PCNX1: variants seen among roughly 807,000 people sequenced by gnomAD.
PCNX1 encodes the protein pecanex 1, also known as pecanex-like protein 1.
In PCNX1, 78 loss-of-function variants were observed where a neutral mutation model predicts 242.2. The observed-to-expected ratio is 0.32, with a 90% confidence interval of 0.27 to 0.39. PCNX1 has a LOEUF of 0.39. Ranked by LOEUF, PCNX1 falls within the 10% of genes least tolerant of loss-of-function variation. The pLI is 1.00. For synonymous variants in PCNX1, 1,024 were observed against 1,032.9 expected (o/e 0.99, Z 0.17); for missense variants, 2,581 against 2,856.5 (o/e 0.90, Z 2.20).
At chr14:70,951,137 C>T (rs951201470) in intron 2 of PCNX1, among the ~76,000 whole-genome samples, 1 of 152,006 alleles carries the variant, frequency 6.6e-6, no homozygotes, top group Non-Finnish European at 1.5e-5. Context: ...TATCACAACA[C>T]CATTCATTAA....
chr14:70,962,162 C>G lies in PCNX1; in HGVS notation c.363-64C>G, dbSNP rs1026931172. ...AAAAAAGTATAACTTAAAAAATTAA[C>G]AAAGGAAAAGCATTGGAGTCAGAAT... On this transcript the variant is annotated intron_variant, in intron 2 of 35. Transcript: ENST00000304743. 12 of 987,484 alleles carry G rather than the reference C, an allele frequency of 1.2e-5. No homozygotes were observed. The African/African-American group carries it at 1.3e-4, about 11-fold the overall frequency. The allele number at this position is 987,484 out of a possible 1,614,324, so 61.2% of individuals were successfully genotyped here.
At chr14:70,970,891 G>A (rs1232332721) in intron 5 of PCNX1, among the ~76,000 whole-genome samples, 1 of 152,124 alleles carries the variant, frequency 6.6e-6, no homozygotes, top group Non-Finnish European at 1.5e-5. Context: ...CCTGGTTTAA[G>A]TCCTCTTCTA....
At chr14:71,069,588 C>A (rs1047123586) in intron 26 of PCNX1, among the ~76,000 whole-genome samples, 1 of 152,194 alleles carries the variant, frequency 6.6e-6, no homozygotes, top group African/African-American at 2.4e-5. Context: ...GCAAGTCACA[C>A]AAATTGCTTG....
rs2062726299 is a variant in PCNX1, at chr14:71,110,066, G to A, written c.*131G>A. The A allele has an allele frequency of 4.9e-6, 4 of 814,760 alleles. No individual in the cohort carries two copies. The highest frequency in any genetic ancestry group is 6.3e-6 in the Non-Finnish European group (3 of 475,422). 50.5% of individuals were successfully genotyped at this position (814,760 alleles called of 1,614,324 possible). On this transcript the variant is annotated 3_prime_UTR_variant, in exon 36 of 36. Coordinates refer to ENST00000304743, the MANE Select transcript of PCNX1 (RefSeq NM_014982.3). ...GTGGGAGCGACTGAAAATAGAATGAGCTTGGTTAAGCACCTCTCCTTTGCC... is the reference window on the plus strand; with the variant it reads ...GTGGGAGCGACTGAAAATAGAATGAACTTGGTTAAGCACCTCTCCTTTGCC...
chr14:70,935,270 G>A (rs1248131041), intron 1 of PCNX1, among the ~76,000 whole-genome samples: 2 of 152,076 alleles, frequency 1.3e-5, no homozygotes, highest in Non-Finnish European at 2.9e-5. Flanking sequence ...TTCTGAGCTG[G>A]GCACAGTGTC....
chr14:71,006,188 A>T (rs996129054), intron 8 of PCNX1, among the ~76,000 whole-genome samples: 1 of 142,842 alleles, frequency 7.0e-6, no homozygotes, highest in Admixed American at 7.1e-5. Context: ...AGGTCTCACT[A>T]TGTTGCCTGG....
chr14:71,024,543 C>T (rs1002430243), intron 13 of PCNX1, among the ~76,000 whole-genome samples: 4 of 151,742 alleles, frequency 2.6e-5, no homozygotes, highest in Admixed American at 2.6e-4. Context: ...TCTTATGGTG[C>T]TGATGATGTT....
At chr14:71,050,610 G>GTT (rs538845223) in intron 22 of PCNX1, 42 bp from the exon 23 acceptor site, 6,197 of 1,272,456 alleles carry the variant, frequency 4.9e-3, no homozygotes, top group South Asian at 0.012. Context: ...TATCTGATAA[G>GTT]TTTTTTTTTT....
intron 18 of PCNX1, among the ~76,000 whole-genome samples, chr14:71,034,470 A>G (rs2060475058): frequency 6.6e-6 from 1 of 152,172 alleles, no homozygotes; most frequent in Non-Finnish European, 1.5e-5. Context: ...CCATCTGAAA[A>G]CTGTGTGTGT....
Position 71,088,368 on chromosome 14 carries a change from C to T in PCNX1, c.5376C>T (p.Leu1792=). ...DVDKDSSLVT[L]CYGLCVLGRR... ...ACAAAGATTCATCCCTAGTGACTCT[C>T]TGTTATGGACTCTGTGTTCTGGGAC... Residue 1792 remains leucine, a synonymous_variant, in exon 29 of 36, where the codon CTC becomes CTT. Transcript: ENST00000304743. 6.2e-7 allele frequency: 1 copy of T among 1,611,314 alleles called. No homozygotes were observed. The highest frequency in any genetic ancestry group is 1.1e-5 in the South Asian group (1 of 90,874).
At position 71,103,633 on chromosome 14, in the gene PCNX1, G is replaced by A; in HGVS notation, c.6059G>A (p.Gly2020Glu). Residue 2020 changes from glycine (G) to glutamate (E), a missense_variant, in exon 32 of 36, where the codon GGA (glycine) becomes GAA (glutamate). Coordinates refer to ENST00000304743, the MANE Select transcript of PCNX1 (RefSeq NM_014982.3). ...KDILGGPISL[G>E]NIRNFIVSTW... ...ATTCTTGGGGGTCCTATCAGCTTGG[G>A]AAATATCAGGAACTTCATAGTGTCA... 6.2e-7 allele frequency: 1 copy of A among 1,614,066 alleles called. No individual in the cohort carries two copies. Among genetic ancestry groups the A allele is most frequent in the South Asian group, 1.1e-5 (1 of 91,058 alleles).
At chr14:70,960,564 T>G (rs1026222282) in intron 2 of PCNX1, among the ~76,000 whole-genome samples, 19 of 152,022 alleles carry the variant, frequency 1.2e-4, no homozygotes, top group Non-Finnish European at 2.6e-4. Flanking sequence ...AATATCATAC[T>G]GAATGGGCAA....
intron 25 of PCNX1, among the ~76,000 whole-genome samples, chr14:71,056,347 C>T (rs1312724107): frequency 6.6e-6 from 1 of 152,134 alleles, no homozygotes; most frequent in East Asian, 1.9e-4. Context: ...CATTTCAGCT[C>T]TGGTATGTGC....
chr14:70,936,565 A>G (rs912620218), intron 1 of PCNX1, among the ~76,000 whole-genome samples: 4 of 152,138 alleles, frequency 2.6e-5, no homozygotes, highest in African/African-American at 9.7e-5. Context: ...AGTCTTTGCT[A>G]TTGTGAATAG....
chr14:71,000,613 G>A (rs1445826010), intron 8 of PCNX1, among the ~76,000 whole-genome samples: 1 of 145,778 alleles, frequency 6.9e-6, no homozygotes, highest in Admixed American at 7.2e-5. Flanking sequence ...TGCAACCTCC[G>A]CCTCCTGGGT....
intron 7 of PCNX1, 22 bp from the exon 8 acceptor site, chr14:70,995,719 C>A (rs999253045): frequency 6.2e-7 from 1 of 1,609,232 alleles, no homozygotes; most frequent in Middle Eastern, 1.7e-4. Flanking sequence ...GTAATGTCTC[C>A]CCAATCCATG....
intron 21 of PCNX1, 151 bp downstream of exon 21, chr14:71,047,256 T>G (rs1368640799): frequency 2.2e-6 from 1 of 463,146 alleles, no homozygotes; most frequent in Non-Finnish European, 3.7e-6. Context: ...TTGACTTACC[T>G]TTTTTAAACA....
chr14:71,085,973 C>T lies in PCNX1; in HGVS notation c.5338-2357C>T, dbSNP rs61990450. 221 of 154,040 alleles carry T rather than the reference C, an allele frequency of 1.4e-3. 1 individual carries two copies. Among genetic ancestry groups the T allele is most frequent in the Non-Finnish European group, 2.7e-3 (184 of 69,248 alleles). 9.5% of individuals were successfully genotyped at this position (154,040 alleles called of 1,614,324 possible). A position where few individuals can be genotyped will look rare whatever the true frequency, so the allele number is the denominator to read the frequency against. On this transcript the variant is annotated intron_variant, in intron 28 of 35. Transcript: ENST00000304743. Reference sequence around the variant, plus strand: ...TATTTGTATTAGGCTGCTTGATTGTCCTACAGCTCCCTGACGCCCTGTTCA... The same window carrying T: ...TATTTGTATTAGGCTGCTTGATTGTTCTACAGCTCCCTGACGCCCTGTTCA...
At chr14:70,944,108 A>G (rs76105298) in intron 1 of PCNX1, among the ~76,000 whole-genome samples, 3 of 152,350 alleles carry the variant, frequency 2.0e-5, no homozygotes, top group Non-Finnish European at 4.4e-5. Flanking sequence ...TCCCATGCAG[A>G]GTCCCCACTG....
Sources: gnomAD v4.1 joint callset for allele counts (sites outside exome capture counted in the v4.1 genomes callset) on GRCh38, gnomAD v4.1.1 for gene constraint, MANE v1.5 for transcripts, NCBI Gene and HGNC (gene_info 2026-07-23, HGNC 2026-07-21) for gene names.